The following DST variants were observed in gnomAD, a reference collection of about 807,000 sequenced individuals.
DST encodes the protein dystonin.
A neutral mutation model predicts 875.2 loss-of-function variants in DST; 253 were observed. The ratio of observed to expected loss-of-function variants is 0.29; its 90% CI spans 0.26 to 0.32. DST has a LOEUF of 0.32. Ranked by LOEUF, DST falls within the 10% of genes least tolerant of loss-of-function variation. The pLI is 1.00. For synonymous variants in DST, 3,124 were observed against 3,197.1 expected, an observed-to-expected ratio of 0.98 and a Z score of 0.77; for missense variants, 8,287 against 9,111.6, an observed-to-expected ratio of 0.91 and a Z score of 3.68.
intron 4 of DST, among the ~76,000 whole-genome samples, chr6:56,848,846 C>T (rs2127572149): frequency 6.6e-6 from 1 of 151,940 alleles, no homozygotes; most frequent in Admixed American, 6.5e-5. Flanking sequence ...ACCAGCCTGG[C>T]CAACATGGTG....
At chr6:56,533,157 A>G (rs1014931875) in intron 63 of DST, among the ~76,000 whole-genome samples, 10 of 152,256 alleles carry the variant, frequency 6.6e-5, no homozygotes, top group African/African-American at 2.4e-4. Flanking sequence ...AGCTGGCTAA[A>G]TAAGACTAAT....
At position 56,679,288 on chromosome 6, in the gene DST, G is replaced by A. The variant is rs540917652; in HGVS notation, c.1048-8481C>T. 1.8e-4 allele frequency among the ~76,000 whole-genome samples: 27 copies of A among 152,038 alleles called. No individual in the cohort carries two copies. The South Asian group carries it at 4.8e-3, about 27-fold the overall frequency. On this transcript the variant is annotated intron_variant, in intron 9 of 103. Transcript: ENST00000680361. The stretch of plus-strand genomic sequence containing the variant: ...TTAATCCTGATCAATCCAGCTGCAC[G>A]TCTTCTCTGCTTTCACCCTAAGCTA...
At chr6:56,824,720 C>T (rs1231528978) in intron 4 of DST, among the ~76,000 whole-genome samples, 1 of 151,974 alleles carries the variant, frequency 6.6e-6, no homozygotes, top group Non-Finnish European at 1.5e-5. Flanking sequence ...TGAGGAGACC[C>T]TCTGCCTGGC....
intron 29 of DST, 46 bp from the exon 30 acceptor site, chr6:56,631,435 T>G (rs1390162557): frequency 1.3e-6 from 2 of 1,537,140 alleles, no homozygotes; most frequent in Admixed American, 3.4e-5. Context: ...TCACCTGTGA[T>G]GAGGTGTTTT....
chr6:56,801,025 G>GA (rs34514599), intron 4 of DST, among the ~76,000 whole-genome samples: 17,492 of 66,760 alleles, frequency 0.26, 1,627 homozygotes, highest in Non-Finnish European at 0.3. Context: ...GTCTCAGGGA[G>GA]AAAAAAAAAA....
intron 4 of DST, among the ~76,000 whole-genome samples, chr6:56,820,446 A>G (rs13194625): frequency 0.13 from 19,590 of 152,224 alleles, 1,597 homozygotes; most frequent in Non-Finnish European, 0.18. Context: ...AATAAATTAC[A>G]CCAACAACAA....
chr6:56,623,669 C>T (rs1455127169), intron 36 of DST, among the ~76,000 whole-genome samples: 1 of 152,134 alleles, frequency 6.6e-6, no homozygotes, highest in East Asian at 1.9e-4. Context: ...ATTTCAACAA[C>T]AGTCCAATTT....
chr6:56,722,527 G>T (rs1000472275), intron 5 of DST, among the ~76,000 whole-genome samples: 4 of 152,098 alleles, frequency 2.6e-5, no homozygotes, highest in African/African-American at 9.7e-5. Flanking sequence ...GGGATTACAG[G>T]TGCATGCCAC....
rs201655606 is a variant in DST, at chr6:56,616,140, C to A, written c.4930-1656G>T. On this transcript the variant is annotated intron_variant, in intron 36 of 103. Transcript: ENST00000680361. ...TACCCTGCAACAGGACTGTGCAAAT[C>A]TTTCTTGGGGACTAACCGGCTCAGC... The A allele has an allele frequency of 5.6e-6, 9 of 1,614,066 alleles. No individual in the cohort carries two copies. Among genetic ancestry groups the A allele is most frequent in the East Asian group, 2.2e-5 (1 of 44,894 alleles).
At chr6:56,665,686 G>C (rs76617232) in intron 10 of DST, among the ~76,000 whole-genome samples, 2,943 of 152,164 alleles carry the variant, frequency 0.019, 85 homozygotes, top group African/African-American at 0.064. Flanking sequence ...ACCAGACACT[G>C]GGGACTACTA....
chr6:56,526,500 A>G lies in DST; in HGVS notation c.17990T>C (p.Leu5997Ser). The change falls in exon 69 of 104, where the codon TTG becomes TCG. Residue 5997 changes from leucine (L) to serine (S), a missense_variant. By Grantham distance (145) the Leu-to-Ser change is moderately radical (BLOSUM62 -2). Around this residue, in one of 10 missense-constraint regions of DST, gnomAD observed 777 missense variants for 764.8 expected, o/e 1.02. Transcript: ENST00000680361. ...LDSLNEVSSA[L>S]LELVPWRARE... is the part of the protein sequence containing the mutation. ...TGCCCTCCATGGTACCAGTTCCAGC[A>G]AAGCACTGCTCACTTCATTAAGGGA... is the stretch of plus-strand genomic sequence containing the variant. 3.7e-6 allele frequency: 6 copies of G among 1,613,882 alleles called. No homozygotes were observed. Among genetic ancestry groups the G allele is most frequent in the Non-Finnish European group, 5.1e-6 (6 of 1,179,810 alleles).
intron 2 of DST, among the ~76,000 whole-genome samples, chr6:56,929,631 T>C (rs967675171): frequency 4.6e-5 from 7 of 152,202 alleles, no homozygotes; most frequent in African/African-American, 1.7e-4. Flanking sequence ...TACTTTTATA[T>C]GCTTTGATTT....
At chr6:56,561,266 A>C in intron 57 of DST, 42 bp downstream of exon 57, 1 of 1,558,030 alleles carries the variant, frequency 6.4e-7, no homozygotes, top group Non-Finnish European at 8.7e-7. Flanking sequence ...CTGCTAATCC[A>C]TTCTCTTTCA....
At position 56,485,292 on chromosome 6, in the gene DST, A is replaced by G; in HGVS notation, c.21207+20T>C. 1 of 1,612,882 alleles carries G rather than the reference A, an allele frequency of 6.2e-7. No homozygotes were observed. The highest frequency in any genetic ancestry group is 1.3e-5 in the African/African-American group (1 of 75,034). ...AGAATAATCAAACAAGATAAAATAAAATGTCCCAGATAACAATACCTTGTG... is the reference window on the plus strand; with the variant it reads ...AGAATAATCAAACAAGATAAAATAAGATGTCCCAGATAACAATACCTTGTG... On this transcript the variant is annotated intron_variant, in intron 88 of 103. Transcript: ENST00000680361.
Position 56,536,940 on chromosome 6 carries a change from C to A in DST, c.16609G>T (p.Val5537Leu), listed in dbSNP as rs199836343. 128 of 1,613,286 alleles carry A rather than the reference C, an allele frequency of 7.9e-5. No individual in the cohort carries two copies. The African/African-American group carries it at 1.5e-3, about 19-fold the overall frequency. The part of the protein sequence containing the change: ...TINQQLNMFK[V>L]FQKEEIEPLQ... ...GGTTCAATCTCTTCTTTCTGGAATACCTGCAGTTAAAAGAGTAATAATTAT... is the reference window on the plus strand; with the variant it reads ...GGTTCAATCTCTTCTTTCTGGAATAACTGCAGTTAAAAGAGTAATAATTAT... The change falls in exon 62 of 104, where the codon GTA (valine) becomes TTA (leucine). Residue 5537 changes from valine to leucine, a missense_variant and splice_region_variant. Coordinates refer to ENST00000680361, the MANE Select transcript of DST (RefSeq NM_001374736.1).
At chr6:56,851,061 AG>A (rs1764965328) in intron 4 of DST, 1 of 278,348 alleles carries the variant, frequency 3.6e-6, no homozygotes, top group Non-Finnish European at 6.8e-6. Flanking sequence ...CAAATATACT[AG>A]CAATCACTGG....
intron 2 of DST, among the ~76,000 whole-genome samples, chr6:56,943,264 A>G (rs944345583): frequency 1.3e-5 from 2 of 152,196 alleles, no homozygotes; most frequent in Non-Finnish European, 2.9e-5. Flanking sequence ...AGTACTGGTT[A>G]TAAGGTAAAA....
intron 2 of DST, among the ~76,000 whole-genome samples, chr6:56,946,630 G>A (rs1465454995): frequency 1.3e-5 from 2 of 152,158 alleles, no homozygotes; most frequent in Non-Finnish European, 1.5e-5. Context: ...CAGTGTGGAC[G>A]ACAGATGAAT....
rs781525514 is a variant in DST, at chr6:56,578,902, A to G, written c.12939T>C (p.Ala4313=). ...LQGQISSQQV[A]VEKLKKTAEV... ...CAGCCGTTTTCTTCAGTTTCTCTAC[A>G]GCAACCTGCTGACTTGATATCTGTC... Residue 4313 remains alanine (A), a synonymous_variant, in exon 50 of 104, where the codon GCT becomes GCC. Coordinates refer to ENST00000680361, the MANE Select transcript of DST (RefSeq NM_001374736.1). 1.9e-6 allele frequency: 3 copies of G among 1,604,610 alleles called. No homozygotes were observed. The Admixed American group carries it at 5.1e-5, about 27-fold the overall frequency.
Sources: gnomAD v4.1 joint callset for allele counts (sites outside exome capture counted in the v4.1 genomes callset) on GRCh38, gnomAD v4.1.1 for gene constraint, gnomAD v4.1.1 regional missense constraint, MANE v1.5 for transcripts, NCBI Gene and HGNC (gene_info 2026-07-23, HGNC 2026-07-21) for gene names.